The following UBA3 variants were observed in gnomAD, a reference collection of about 807,000 sequenced individuals.
The protein encoded by UBA3 is ubiquitin like modifier activating enzyme 3, also known as NEDD8-activating enzyme E1 catalytic subunit.
In UBA3, 26 loss-of-function variants were observed where a neutral mutation model predicts 73.5. The observed-to-expected ratio is 0.35, with a 90% CI of 0.26 to 0.49. UBA3 has a LOEUF of 0.49. Ranked by LOEUF, UBA3 falls within the 20% of genes least tolerant of loss-of-function variation. The probability of loss-of-function intolerance (pLI) is 0.98; values close to 1 mark genes in which losing one functional copy is unlikely to be tolerated. For synonymous variants in UBA3, 217 were observed against 191.2 expected, an observed-to-expected ratio of 1.13 and a Z score of -1.11; for missense variants, 495 against 555.6, an observed-to-expected ratio of 0.89 and a Z score of 1.10.
At chr3:69,080,257 G>A in intron 1 of UBA3, 77 bp downstream of exon 1, 5 of 1,567,562 alleles carry the variant, frequency 3.2e-6, no homozygotes, top group Admixed American at 3.6e-5. Flanking sequence ...ACCCCGGGTG[G>A]CGGCGGCAAC....
At position 69,071,860 on chromosome 3, in the gene UBA3, G is replaced by A. The variant is rs1275862444; in HGVS notation, c.265-243C>T. ...AAAGAGAACAACTCAAAATTTCTACGGATTGAAACTATTTTACATATATAT... is the reference window on the plus strand; with the variant it reads ...AAAGAGAACAACTCAAAATTTCTACAGATTGAAACTATTTTACATATATAT... On this transcript the variant is annotated intron_variant, in intron 4 of 17. Transcript: ENST00000361055. 7.2e-5 allele frequency among the ~76,000 whole-genome samples: 11 copies of A among 152,122 alleles called. 1 individual carries two copies. The South Asian group carries it at 1.7e-3, about 23-fold the overall frequency.
chr3:69,061,498 A>G (rs1190476965), intron 11 of UBA3: 1 of 191,088 alleles, frequency 5.2e-6, no homozygotes, highest in Non-Finnish European at 1.1e-5. Context: ...GCTGACCTGA[A>G]GACAATTTCT....
chr3:69,065,220 T>C (rs1194831775), intron 6 of UBA3, among the ~76,000 whole-genome samples: 2 of 151,954 alleles, frequency 1.3e-5, no homozygotes, highest in Non-Finnish European at 2.9e-5. Context: ...ACAAACTGAG[T>C]GCCCCCCACT....
intron 3 of UBA3, 67 bp downstream of exon 3, chr3:69,077,731 G>A (rs933528414): frequency 4.2e-5 from 60 of 1,433,026 alleles, no homozygotes; most frequent in Non-Finnish European, 5.0e-5. Flanking sequence ...AATTAAAAAA[G>A]AAGCATTCTA....
rs768553339 is a variant in UBA3 at position 69,055,523 on chromosome 3, A to G, written c.1306T>C (p.Leu436=). Residue 436 remains leucine (L), a splice_region_variant and synonymous_variant, in exon 18 of 18, where the codon TTG becomes CTG. Coordinates refer to ENST00000361055, the MANE Select transcript of UBA3 (RefSeq NM_003968.4). ...AGTTCTTGTCCATCAACAAGCCCCA[A>G]TTCTAAAACAGAAAAAATATTATTA... ...RPNLSKTLKE[L]GLVDGQELAV... 2 of 1,579,910 alleles carry G rather than the reference A, an allele frequency of 1.3e-6. No homozygotes were observed. Among genetic ancestry groups the G allele is most frequent in the South Asian group, 2.4e-5 (2 of 83,484 alleles).
chr3:69,063,950 C>A, intron 7 of UBA3, 118 bp downstream of exon 7: 1 of 863,194 alleles, frequency 1.2e-6, no homozygotes, highest in Non-Finnish European at 1.8e-6. Context: ...GAAAAGCCAA[C>A]AGTGAGAGAG....
chr3:69,078,014 C>A, intron 2 of UBA3, 96 bp from the exon 3 acceptor site: 1 of 1,411,854 alleles, frequency 7.1e-7, no homozygotes, highest in South Asian at 1.5e-5. Flanking sequence ...GGTAACCACA[C>A]CAGACCTGCT....
chr3:69,073,195 C>G (rs1200641943), intron 4 of UBA3, among the ~76,000 whole-genome samples: 3 of 152,290 alleles, frequency 2.0e-5, no homozygotes, highest in Non-Finnish European at 2.9e-5. Context: ...ACAGCACTTA[C>G]AGTAACCTCC....
chr3:69,075,554 C>A, intron 3 of UBA3, 44 bp from the exon 4 acceptor site: 1 of 1,286,530 alleles, frequency 7.8e-7, no homozygotes, highest in Non-Finnish European at 1.1e-6. Context: ...GTGATAACCG[C>A]AAAGACTATA....
chr3:69,069,143 C>T (rs933981513), intron 5 of UBA3, among the ~76,000 whole-genome samples: 3 of 152,104 alleles, frequency 2.0e-5, no homozygotes, highest in South Asian at 4.1e-4. Flanking sequence ...GCTACATACA[C>T]GTCTATCATA....
Position 69,080,334 on chromosome 3 carries a change from G to C in UBA3, c.20C>G (p.Pro7Arg), listed in dbSNP as rs762194370. The C allele has an allele frequency of 2.3e-5, 36 of 1,599,948 alleles. No individual in the cohort carries two copies. Among genetic ancestry groups the C allele is most frequent in the Non-Finnish European group, 3.1e-5 (36 of 1,175,516 alleles). ...GCGTCTGCAGAGCCCCGGTACTTAC[G>C]GCTCCTCGCCATCCGCCATATTGTT... MADGEE[P>R]EKKRRRIEEL... The change falls in exon 1 of 18, where the codon CCG becomes CGG. Residue 7 changes from proline (P) to arginine (R), a missense_variant and splice_region_variant. Transcript: ENST00000361055.
In UBA3 at chr3:69,063,093, G is replaced by C; in HGVS notation, c.582C>G (p.Ser194=). 6.2e-7 allele frequency: 1 copy of C among 1,614,076 alleles called. No individual in the cohort carries two copies. Among genetic ancestry groups the C allele is most frequent in the Non-Finnish European group, 8.5e-7 (1 of 1,179,978 alleles). ...NYEDGVLDPS[S]IVPLIDGGTE... is the part of the protein sequence containing the mutation. ...TCCCCCCATCTATCAAAGGGACAAT[G>C]GAGCTTGGATCTAAGACACCATCTT... Residue 194 remains serine, a synonymous_variant, in exon 9 of 18, where the codon TCC becomes TCG. Coordinates refer to ENST00000361055, the MANE Select transcript of UBA3 (RefSeq NM_003968.4).
intron 6 of UBA3, among the ~76,000 whole-genome samples, chr3:69,066,270 A>G (rs538087836): frequency 9.2e-5 from 14 of 152,158 alleles, no homozygotes; most frequent in Middle Eastern, 3.4e-3. Context: ...AGTCTCAAGC[A>G]ATCCTCCCAC....
intron 6 of UBA3, among the ~76,000 whole-genome samples, chr3:69,067,100 G>A (rs544522713): frequency 7.2e-5 from 11 of 152,156 alleles, no homozygotes; most frequent in South Asian, 6.2e-4. Flanking sequence ...CGTCTATATC[G>A]ACAATTTTGC....
intron 9 of UBA3, among the ~76,000 whole-genome samples, chr3:69,062,642 CT>C (rs1343373666): frequency 6.6e-6 from 1 of 152,160 alleles, no homozygotes; most frequent in Non-Finnish European, 1.5e-5. Context: ...AAAGATCATT[CT>C]TATCCCTGGT....
intron 4 of UBA3, among the ~76,000 whole-genome samples, chr3:69,073,116 G>A (rs898736137): frequency 5.3e-5 from 8 of 152,088 alleles, no homozygotes; most frequent in African/African-American, 1.9e-4. Context: ...CAGTAACCTA[G>A]GTGAAAAGCC....
intron 2 of UBA3, among the ~76,000 whole-genome samples, chr3:69,078,865 T>C (rs977024372): frequency 3.3e-5 from 5 of 152,214 alleles, no homozygotes; most frequent in East Asian, 1.9e-4. Context: ...ACGCCACAGA[T>C]AGACATCTAC....
intron 14 of UBA3, 60 bp from the exon 15 acceptor site, chr3:69,056,343 T>C (rs1478612422): frequency 1.5e-6 from 2 of 1,311,090 alleles, no homozygotes; most frequent in East Asian, 2.4e-5. Context: ...GTCTCTTTTA[T>C]GAACAATAAA....
intron 11 of UBA3, among the ~76,000 whole-genome samples, chr3:69,060,213 A>G (rs753735472): frequency 6.6e-6 from 1 of 152,210 alleles, no homozygotes; most frequent in Non-Finnish European, 1.5e-5. Flanking sequence ...AGTTGGCAGA[A>G]TACATATAAA....
Sources: gnomAD v4.1 joint callset for allele counts (sites outside exome capture counted in the v4.1 genomes callset) on GRCh38, gnomAD v4.1.1 for gene constraint, MANE v1.5 for transcripts, NCBI Gene and HGNC (gene_info 2026-07-23, HGNC 2026-07-21) for gene names.